The following CTNNA3 variants were observed in gnomAD, a reference collection of about 807,000 sequenced individuals.
The protein encoded by CTNNA3 is catenin alpha-3.
A neutral mutation model predicts 95.7 loss-of-function variants in CTNNA3; 76 were observed. That is an observed-to-expected ratio of 0.79 (90% confidence interval 0.66 to 0.96). The LOEUF (loss-of-function observed/expected upper bound fraction) is 0.96. Ranked by LOEUF, CTNNA3 falls within the 40% of genes least tolerant of loss-of-function variation. CTNNA3 has a pLI of 0.00. For missense variants in CTNNA3, 1,191 were observed against 1,089.8 expected (o/e 1.09, Z -1.31); for synonymous variants, 431 against 374.4 (o/e 1.15, Z -1.74).
At chr10:66,436,924 T>A (rs1256239449) in intron 11 of CTNNA3, among the ~76,000 whole-genome samples, 3 of 152,146 alleles carry the variant, frequency 2.0e-5, no homozygotes, top group Non-Finnish European at 4.4e-5. Context: ...CTGTAAAGGA[T>A]TTTATTTCTC....
chr10:66,768,006 C>T (rs1351950893), intron 8 of CTNNA3, among the ~76,000 whole-genome samples: 1 of 152,084 alleles, frequency 6.6e-6, no homozygotes, highest in Non-Finnish European at 1.5e-5. Flanking sequence ...AAAGGGGAGA[C>T]CTTAACTGAA....
intron 11 of CTNNA3, among the ~76,000 whole-genome samples, chr10:66,484,474 AGT>A (rs1424268198): frequency 6.6e-6 from 1 of 152,060 alleles, no homozygotes; most frequent in Non-Finnish European, 1.5e-5. Context: ...AGAATAAAGG[AGT>A]GTCTGAAAAC....
At chr10:66,452,603 C>G (rs186413369) in intron 11 of CTNNA3, among the ~76,000 whole-genome samples, 8 of 152,210 alleles carry the variant, frequency 5.3e-5, no homozygotes, top group Admixed American at 3.3e-4. Flanking sequence ...GTAAAACTAA[C>G]AAAGTAGCCA....
intron 15 of CTNNA3, among the ~76,000 whole-genome samples, chr10:66,068,362 T>C (rs2080358863): frequency 6.6e-6 from 1 of 152,166 alleles, no homozygotes; most frequent in African/African-American, 2.4e-5. Flanking sequence ...GGACATTCTA[T>C]TGATGTACAT....
At position 67,726,363 on chromosome 10, in the gene CTNNA3, A is replaced by ATATATT. The variant is rs1564841029; in HGVS notation, c.-2+37070_-2+37071insAATATA. 4.1e-4 allele frequency among the ~76,000 whole-genome samples: 17 copies of ATATATT among 41,606 alleles called. 1 individual carries two copies. The highest frequency in any genetic ancestry group is 2.2e-3 in the African/African-American group (17 of 7,662). 27.3% of individuals were successfully genotyped at this position (41,606 alleles called of 152,430 possible). A position where few individuals can be genotyped will look rare whatever the true frequency, so the allele number is the denominator to read the frequency against. On this transcript the variant is annotated intron_variant, in intron 1 of 17. Coordinates refer to the CTNNA3 transcript ENST00000684154. ...ATATAATATATGATATATATGATAT[A>ATATATT]ATATATGATATTATATATGAAATTA...
chr10:66,126,072 T>C (rs1267817093), intron 13 of CTNNA3, among the ~76,000 whole-genome samples: 3 of 152,172 alleles, frequency 2.0e-5, no homozygotes, highest in Admixed American at 6.6e-5. Context: ...CATGTTCTGA[T>C]TGTAACAAAT....
At chr10:66,887,716 G>A (rs1589378813) in intron 7 of CTNNA3, among the ~76,000 whole-genome samples, 1 of 152,132 alleles carries the variant, frequency 6.6e-6, no homozygotes, top group Non-Finnish European at 1.5e-5. Context: ...GAATCCCTAT[G>A]GGTTTAATCT....
chr10:66,335,840 G>A (rs899277006), intron 12 of CTNNA3, among the ~76,000 whole-genome samples: 5 of 152,128 alleles, frequency 3.3e-5, no homozygotes, highest in Non-Finnish European at 7.4e-5. Context: ...GGAGTCTACA[G>A]AGGCAGGCAG....
At chr10:66,885,897 T>C (rs1845024672) in intron 7 of CTNNA3, among the ~76,000 whole-genome samples, 1 of 152,166 alleles carries the variant, frequency 6.6e-6, no homozygotes, top group South Asian at 2.1e-4. Flanking sequence ...TTACTGATAA[T>C]CCAATCTCTG....
intron 13 of CTNNA3, among the ~76,000 whole-genome samples, chr10:66,190,841 T>C (rs1189753876): frequency 3.3e-5 from 5 of 152,124 alleles, no homozygotes; most frequent in Non-Finnish European, 5.9e-5. Flanking sequence ...TCCCAAAAGA[T>C]GTTGCCTACC....
At chr10:65,972,215 C>G (rs1036920325) in intron 16 of CTNNA3, among the ~76,000 whole-genome samples, 2 of 151,974 alleles carry the variant, frequency 1.3e-5, no homozygotes, top group African/African-American at 4.8e-5. Context: ...CTTGAATGGA[C>G]AAAAGCTGAA....
At chr10:66,750,922 C>T (rs1416917399) in intron 9 of CTNNA3, among the ~76,000 whole-genome samples, 2 of 152,004 alleles carry the variant, frequency 1.3e-5, no homozygotes, top group Non-Finnish European at 2.9e-5. Flanking sequence ...TAAATTTATA[C>T]CTAAGTATTT....
At chr10:67,191,987 T>C (rs1037373151) in intron 6 of CTNNA3, among the ~76,000 whole-genome samples, 1 of 151,972 alleles carries the variant, frequency 6.6e-6, no homozygotes, top group African/African-American at 2.4e-5. Context: ...GGGGAAAGAA[T>C]AGTCTCTTCA....
chr10:66,476,280 G>C (rs1462534063), intron 11 of CTNNA3, among the ~76,000 whole-genome samples: 1 of 151,920 alleles, frequency 6.6e-6, no homozygotes, highest in Non-Finnish European at 1.5e-5. Flanking sequence ...TAATATTTAG[G>C]TGATGGGTTG....
At chr10:67,388,023 A>G (rs377511371) in intron 5 of CTNNA3, among the ~76,000 whole-genome samples, 5 of 151,546 alleles carry the variant, frequency 3.3e-5, no homozygotes, top group Admixed American at 2.0e-4. Flanking sequence ...CCAAAGGAAC[A>G]CAGTTCCTCA....
intron 6 of CTNNA3, among the ~76,000 whole-genome samples, chr10:67,190,636 T>C (rs1203777888): frequency 6.6e-6 from 1 of 152,042 alleles, no homozygotes; most frequent in Non-Finnish European, 1.5e-5. Flanking sequence ...TGGAATCAAA[T>C]AGACAAAATG....
At position 66,599,214 on chromosome 10, in the gene CTNNA3, A is replaced by G. The variant is rs540460944; in HGVS notation, c.1374+22478T>C. Among the ~76,000 whole-genome samples, 70 of 152,130 alleles carry G rather than the reference A, an allele frequency of 4.6e-4. 1 individual carries two copies. The South Asian group carries it at 0.014, about 31-fold the overall frequency. Reference sequence around the variant, plus strand: ...TTGAATTCCATGATTTCTAGGCAGCATCTGGCAGAAACTGAAATAATGATT... The same window carrying G: ...TTGAATTCCATGATTTCTAGGCAGCGTCTGGCAGAAACTGAAATAATGATT... On this transcript the variant is annotated intron_variant, in intron 10 of 17. Transcript: ENST00000433211.
intron 5 of CTNNA3, among the ~76,000 whole-genome samples, chr10:67,341,899 G>C (rs1480762439): frequency 6.6e-6 from 1 of 151,824 alleles, no homozygotes; most frequent in Non-Finnish European, 1.5e-5. Context: ...TAACTACGGT[G>C]AGATGATGTA....
intron 13 of CTNNA3, among the ~76,000 whole-genome samples, chr10:66,183,037 A>G (rs984788207): frequency 6.6e-6 from 1 of 152,190 alleles, no homozygotes; most frequent in African/African-American, 2.4e-5. Context: ...TTCCTCGGAG[A>G]GGAGGGAAGA....
Sources: allele counts gnomAD v4.1 joint callset (sites outside exome capture counted in the v4.1 genomes callset), GRCh38; gene constraint gnomAD v4.1.1; transcripts MANE v1.5; gene names NCBI Gene and HGNC (gene_info 2026-07-23, HGNC 2026-07-21).